Variants in PCDHGB3 observed in about 807,000 individuals in gnomAD.
PCDHGB3 encodes the protein protocadherin gamma-B3.
Under a neutral mutation model 59.2 loss-of-function variants are expected in PCDHGB3, and 40 were observed. The observed-to-expected ratio is 0.68, with a 90% CI of 0.52 to 0.88. The LOEUF (loss-of-function observed/expected upper bound fraction) is 0.88, where lower values mean the gene tolerates loss of function less well. Among genes scored for constraint, PCDHGB3 ranks in the 40% least tolerant of loss-of-function variants. PCDHGB3 has a pLI of 0.00. For synonymous variants in PCDHGB3, 581 were observed against 503.6 expected, an observed-to-expected ratio of 1.15 and a Z score of -2.06; for missense variants, 1,309 against 1,187.9, an observed-to-expected ratio of 1.10 and a Z score of -1.50.
At chr5:141,385,262 A>C (rs746220376) in intron 1 of PCDHGB3, 5 of 1,613,732 alleles carry the variant, frequency 3.1e-6, no homozygotes, top group Non-Finnish European at 4.2e-6. Flanking sequence ...TGTGAGAAAA[A>C]TGATTCTTTG....
chr5:141,404,004 C>T (rs1219625288), intron 1 of PCDHGB3: 3 of 1,613,842 alleles, frequency 1.9e-6, no homozygotes, highest in Non-Finnish European at 2.5e-6. Flanking sequence ...ACCATTACAT[C>T]TCTGTTTAGC....
chr5:141,485,245 G>C lies in PCDHGB3; in HGVS notation c.2416-9562G>C. 1 of 1,614,188 alleles carries C rather than the reference G, an allele frequency of 6.2e-7. No individual in the cohort carries two copies. Among genetic ancestry groups the C allele is most frequent in the Non-Finnish European group, 8.5e-7 (1 of 1,180,008 alleles). On this transcript the variant is annotated intron_variant, in intron 1 of 3. Coordinates refer to ENST00000576222, the MANE Select transcript of PCDHGB3 (RefSeq NM_018924.5). This position sits in a 1 kb window ranked among gnomAD's most constrained non-coding sequence, Gnocchi z 5.7. The stretch of plus-strand genomic sequence containing the variant: ...CCCTTTTGTTCCTCTTTTACCACCT[G>C]GGTTACGTTTGTGGGCAGATCCGCT...
intron 1 of PCDHGB3, chr5:141,441,872 G>T: frequency 2.9e-6 from 1 of 341,646 alleles, no homozygotes. Flanking sequence ...GCGGAGCCTG[G>T]CTACCTGGTC....
chr5:141,454,842 C>T lies in PCDHGB3; in HGVS notation c.2416-39965C>T, dbSNP rs543795114. 1.2e-4 allele frequency among the ~76,000 whole-genome samples: 12 copies of T among 101,680 alleles called. No homozygotes were observed. The East Asian group carries it at 3.9e-3, about 33-fold the overall frequency. 66.7% of individuals were successfully genotyped at this position (101,680 alleles called of 152,430 possible). ...TTTTTTTTTGAGACAGAGTCGCGCTCTGTCACCCAGGCTGGAGTGCAGTGG... is the reference window on the plus strand; with the variant it reads ...TTTTTTTTTGAGACAGAGTCGCGCTTTGTCACCCAGGCTGGAGTGCAGTGG... On this transcript the variant is annotated intron_variant, in intron 1 of 3. Coordinates refer to ENST00000576222, the MANE Select transcript of PCDHGB3 (RefSeq NM_018924.5).
chr5:141,371,355 G>A lies in PCDHGB3; in HGVS notation c.961G>A (p.Ala321Thr), dbSNP rs369960328. The change falls in exon 1 of 4, where the codon GCA (alanine) becomes ACA (threonine). Residue 321 changes from alanine (A) to threonine (T), a missense_variant. Physicochemically the swap from Ala to Thr is moderately conservative, Grantham distance 58. Coordinates refer to ENST00000576222, the MANE Select transcript of PCDHGB3 (RefSeq NM_018924.5). ...ERDSYTIGVE[A>T]KDGGHHTAYC... ...AGATAGCTACACAATTGGGGTGGAA[G>A]CAAAGGATGGTGGACATCACACTGC... The A allele has an allele frequency of 1.2e-6, 2 of 1,613,974 alleles. No homozygotes were observed. The highest frequency in any genetic ancestry group is 8.5e-7 in the Non-Finnish European group (1 of 1,179,882).
At chr5:141,423,150 G>T in intron 1 of PCDHGB3, 1 of 1,613,538 alleles carries the variant, frequency 6.2e-7, no homozygotes, top group Non-Finnish European at 8.5e-7. Flanking sequence ...CGCTCAAGCA[G>T]AGCCTCGTGG....
rs1235728365 is a variant in PCDHGB3 at position 141,485,502 on chromosome 5, C to T, written c.2416-9305C>T. ...TGCATCGTGCCCCTGGAGTTTGTCACCGAAGGTCCTTTGGAAATGTACCGA... is the reference window on the plus strand; with the variant it reads ...TGCATCGTGCCCCTGGAGTTTGTCATCGAAGGTCCTTTGGAAATGTACCGA... On this transcript the variant is annotated intron_variant, in intron 1 of 3. Transcript: ENST00000576222. This position sits in a 1 kb window ranked among gnomAD's most constrained non-coding sequence, Gnocchi z 5.7. 2 of 1,614,114 alleles carry T rather than the reference C, an allele frequency of 1.2e-6. No homozygotes were observed. Among genetic ancestry groups the T allele is most frequent in the Non-Finnish European group, 8.5e-7 (1 of 1,180,044 alleles).
In PCDHGB3 at chr5:141,430,937, G is replaced by C. The variant is rs888990395; in HGVS notation, c.2415+58128G>C. ...CCTGGGGCTGGAGCCCCGGGAGCTC[G>C]CGGAGCGCGGAGTCCGCATCATCCC... On this transcript the variant is annotated intron_variant, in intron 1 of 3. Coordinates refer to ENST00000576222, the MANE Select transcript of PCDHGB3 (RefSeq NM_018924.5). The C allele has an allele frequency of 8.7e-6, 14 of 1,607,498 alleles. No individual in the cohort carries two copies. The highest frequency in any genetic ancestry group is 1.7e-5 in the Admixed American group (1 of 58,732).
At chr5:141,466,515 TTTTCCTCCCAAATTGA>T (rs2099124043) in intron 1 of PCDHGB3, among the ~76,000 whole-genome samples, 1 of 152,232 alleles carries the variant, frequency 6.6e-6, no homozygotes, top group Admixed American at 6.5e-5. Context: ...AGATCATTTT[TTTTCCTCCCAAATTGA>T]TGTAGATGGT....
chr5:141,408,676 G>A (rs1315766272), intron 1 of PCDHGB3: 2 of 1,613,652 alleles, frequency 1.2e-6, no homozygotes, highest in Non-Finnish European at 1.7e-6. Flanking sequence ...ACCCTGCCAC[G>A]GATCCTGATA....
chr5:141,459,976 G>A (rs1013971472), intron 1 of PCDHGB3, among the ~76,000 whole-genome samples: 1 of 152,202 alleles, frequency 6.6e-6, no homozygotes, highest in Non-Finnish European at 1.5e-5. Flanking sequence ...TACTCAGGAG[G>A]CTGAGACAGG....
At chr5:141,380,270 A>G (rs1427444022) in intron 1 of PCDHGB3, among the ~76,000 whole-genome samples, 1 of 152,226 alleles carries the variant, frequency 6.6e-6, no homozygotes, top group Non-Finnish European at 1.5e-5. Flanking sequence ...GTAAAATCTC[A>G]GAGGAGAAAC....
chr5:141,428,523 T>G, intron 1 of PCDHGB3: 1 of 278,554 alleles, frequency 3.6e-6, no homozygotes, highest in Non-Finnish European at 7.1e-6. Context: ...AAAGAAGATT[T>G]AATTTTCTCA....
In PCDHGB3 at chr5:141,380,519, G is replaced by C. The variant is rs564373516; in HGVS notation, c.2415+7710G>C. 2.0e-5 allele frequency among the ~76,000 whole-genome samples: 3 copies of C among 152,234 alleles called. No homozygotes were observed. In the East Asian group the frequency reaches 5.8e-4, roughly 29 times the overall value. ...CAATAATATACACTCTTTAAACTATGAAATGATTTCAATTTGATACAATGA... is the reference window on the plus strand; with the variant it reads ...CAATAATATACACTCTTTAAACTATCAAATGATTTCAATTTGATACAATGA... On this transcript the variant is annotated intron_variant, in intron 1 of 3. Transcript: ENST00000576222.
At chr5:141,405,169 CTT>C (rs1561698717) in intron 1 of PCDHGB3, 2 of 1,614,122 alleles carry the variant, frequency 1.2e-6, no homozygotes, top group Non-Finnish European at 1.7e-6. Flanking sequence ...CCACCTCACA[CTT>C]TGTGGGTGTA....
intron 1 of PCDHGB3, chr5:141,389,506 G>A: frequency 1.9e-6 from 3 of 1,613,112 alleles, no homozygotes; most frequent in Non-Finnish European, 2.5e-6. Context: ...CCAGCGCTCA[G>A]CGCGAACGTG....
At chr5:141,404,360 TC>T (rs780435528) in intron 1 of PCDHGB3, 1 of 1,613,900 alleles carries the variant, frequency 6.2e-7, no homozygotes. Context: ...CAGAGGTACT[TC>T]CATCTTCTCC....
At chr5:141,435,995 A>C (rs1033174115) in intron 1 of PCDHGB3, among the ~76,000 whole-genome samples, 2 of 152,144 alleles carry the variant, frequency 1.3e-5, no homozygotes, top group African/African-American at 4.8e-5. Context: ...TGATTTTTTG[A>C]AAGAAAGTAT....
chr5:141,500,499 G>T lies in PCDHGB3; in HGVS notation c.2475-4894G>T, dbSNP rs531501031. On this transcript the variant is annotated intron_variant, in intron 2 of 3. Transcript: ENST00000576222. ...GCTGGGATTACAGGCGTGAGCCACC[G>T]CGCCTGGCCGAGCTTCATTTTAAAA... Among the ~76,000 whole-genome samples, 24 of 152,088 alleles carry T rather than the reference G, an allele frequency of 1.6e-4. 1 individual carries two copies. In the Middle Eastern group the frequency reaches 0.01, roughly 65 times the overall value.
Sources: gnomAD v4.1 joint callset for allele counts (sites outside exome capture counted in the v4.1 genomes callset) on GRCh38, gnomAD v4.1.1 for gene constraint, Gnocchi (gnomAD v3.1) non-coding constraint, MANE v1.5 for transcripts, NCBI Gene and HGNC (gene_info 2026-07-23, HGNC 2026-07-21) for gene names.